Variants in HRH4 observed in about 807,000 individuals in gnomAD.
HRH4 encodes the protein histamine H4 receptor.
HRH4 carries 12 observed loss-of-function variants against 10.4 expected under a neutral mutation model. That is an observed-to-expected ratio of 1.15 (90% CI 0.74 to 1.87). The LOEUF (loss-of-function observed/expected upper bound fraction) is 1.87, where lower values mean the gene tolerates loss of function less well. Ranked by LOEUF, HRH4 falls within the 40% of genes most tolerant of loss-of-function variation. HRH4 has a pLI of 0.00. For synonymous variants in HRH4, 154 were observed against 166.6 expected, an observed-to-expected ratio of 0.92 and a Z score of 0.58; for missense variants, 415 against 453.3, an observed-to-expected ratio of 0.92 and a Z score of 0.77.
intron 2 of HRH4, among the ~76,000 whole-genome samples, chr18:24,470,760 T>A (rs1215387942): frequency 6.6e-6 from 1 of 151,364 alleles, no homozygotes; most frequent in African/African-American, 2.4e-5. Flanking sequence ...TGCCTCTGCC[T>A]CCCAAAGTGC....
intron 2 of HRH4, among the ~76,000 whole-genome samples, chr18:24,470,314 CT>C (rs1196534369): frequency 6.6e-6 from 1 of 152,114 alleles, no homozygotes; most frequent in East Asian, 1.9e-4. Flanking sequence ...GACTGGCAAA[CT>C]TTCATTATCA....
chr18:24,462,393 G>A (rs955747217), intron 1 of HRH4, among the ~76,000 whole-genome samples: 2 of 152,070 alleles, frequency 1.3e-5, no homozygotes, highest in East Asian at 1.9e-4. Context: ...CGGAAGAGCC[G>A]TAGGAAATGG....
intron 2 of HRH4, among the ~76,000 whole-genome samples, chr18:24,475,849 A>T (rs1488709499): frequency 6.6e-6 from 1 of 152,104 alleles, no homozygotes; most frequent in East Asian, 1.9e-4. Context: ...CTCTACTAAA[A>T]ATACAAAAAT....
At chr18:24,462,579 G>A (rs905032758) in intron 1 of HRH4, among the ~76,000 whole-genome samples, 1 of 152,178 alleles carries the variant, frequency 6.6e-6, no homozygotes, top group Admixed American at 6.5e-5. Flanking sequence ...GGGCTTCTGA[G>A]ACTAAGAACG....
intron 2 of HRH4, among the ~76,000 whole-genome samples, chr18:24,472,124 CA>C (rs1211465551): frequency 2.0e-5 from 3 of 152,136 alleles, no homozygotes; most frequent in Non-Finnish European, 4.4e-5. Context: ...CGGCTCACTG[CA>C]AACTCCCCCT....
At chr18:24,468,754 G>A (rs774196198) in intron 1 of HRH4, 34 bp from the exon 2 acceptor site, 18 of 1,580,842 alleles carry the variant, frequency 1.1e-5, no homozygotes, top group Admixed American at 3.6e-5. Flanking sequence ...ATTGATGTGC[G>A]CTATGTTTTT....
intron 2 of HRH4, among the ~76,000 whole-genome samples, chr18:24,469,950 T>C (rs530869307): frequency 6.6e-6 from 1 of 152,128 alleles, no homozygotes; most frequent in African/African-American, 2.4e-5. Context: ...GTATCTATTG[T>C]TTCTTTTTTT....
At chr18:24,465,963 A>G (rs944091674) in intron 1 of HRH4, among the ~76,000 whole-genome samples, 2 of 152,086 alleles carry the variant, frequency 1.3e-5, no homozygotes, top group African/African-American at 2.4e-5. Context: ...CTTCTTTCTC[A>G]TTCTGTGAAA....
intron 2 of HRH4, among the ~76,000 whole-genome samples, chr18:24,476,485 T>C (rs1434028089): frequency 6.6e-6 from 1 of 152,218 alleles, no homozygotes; most frequent in East Asian, 1.9e-4. Context: ...TTATTTTACA[T>C]ACTGGCCTTG....
At chr18:24,464,506 G>T (rs1909724233) in intron 1 of HRH4, among the ~76,000 whole-genome samples, 1 of 152,112 alleles carries the variant, frequency 6.6e-6, no homozygotes. Context: ...TACACATTCA[G>T]GCCATAACAC....
chr18:24,472,761 A>T (rs1304970721), intron 2 of HRH4, among the ~76,000 whole-genome samples: 1 of 152,100 alleles, frequency 6.6e-6, no homozygotes, highest in African/African-American at 2.4e-5. Flanking sequence ...GTCCTCAGAG[A>T]GGTTTTCTGG....
At chr18:24,470,369 T>C (rs1002541365) in intron 2 of HRH4, among the ~76,000 whole-genome samples, 1 of 152,114 alleles carries the variant, frequency 6.6e-6, no homozygotes, top group Non-Finnish European at 1.5e-5. Flanking sequence ...ACCTACTGTT[T>C]CTGTTGCAAC....
intron 2 of HRH4, among the ~76,000 whole-genome samples, chr18:24,469,204 A>C (rs531087064): frequency 8.5e-5 from 13 of 152,348 alleles, no homozygotes; most frequent in African/African-American, 2.9e-4. Context: ...CAACTGGTAT[A>C]CTAAGTCTAT....
chr18:24,479,500 G>A lies in HRH4; in HGVS notation c.*1938G>A, dbSNP rs1431780159. ...GTCTTGCTCTGTTGCCCACGCAGGA[G>A]TGCAGTGGCATGCTCTCAGCTCACT... On this transcript the variant is annotated 3_prime_UTR_variant, in exon 3 of 3. Transcript: ENST00000256906. The A allele has an allele frequency of 6.6e-6, 1 of 152,174 alleles. No individual in the cohort carries two copies. The highest frequency in any genetic ancestry group is 1.9e-4 in the East Asian group (1 of 5,192). The allele number at this position is 152,174 out of a possible 1,614,324, so 9.4% of individuals were successfully genotyped here.
Position 24,468,923 on chromosome 18 carries a change from A to C in HRH4, c.329A>C (p.Tyr110Ser), listed in dbSNP as rs878961770. The C allele has an allele frequency of 6.2e-7, 1 of 1,610,626 alleles. No homozygotes were observed. Among genetic ancestry groups the C allele is most frequent in the South Asian group, 1.1e-5 (1 of 90,210 alleles). ...GTATATAACATTGTCCTCATCAGCTATGATCGATACCTGTCAGTCTCAAAT... is the reference window on the plus strand; with the variant it reads ...GTATATAACATTGTCCTCATCAGCTCTGATCGATACCTGTCAGTCTCAAAT... ...ASVYNIVLIS[Y>S]DRYLSVSNAV... is the part of the protein sequence containing the mutation. The change falls in exon 2 of 3, where the codon TAT becomes TCT. Residue 110 changes from tyrosine (Y) to serine (S), a missense_variant. Tyr to Ser is a moderately radical substitution (Grantham distance 144, BLOSUM62 -2). Transcript: ENST00000256906.
rs1483848516 is a variant in HRH4, at chr18:24,479,613, TA to T, written c.*2056del. On this transcript the variant is annotated 3_prime_UTR_variant, in exon 3 of 3. Coordinates refer to ENST00000256906, the MANE Select transcript of HRH4 (RefSeq NM_021624.4). ...GCAGGCACTTGCCACCACGCCCCACTAAAAATTTTTTAAATTGTTGCCTTTC... is the reference window on the plus strand; with the variant it reads ...GCAGGCACTTGCCACCACGCCCCACTAAAATTTTTTAAATTGTTGCCTTTC... 1 of 152,184 alleles carries T rather than the reference TA, an allele frequency of 6.6e-6. No individual in the cohort carries two copies. Among genetic ancestry groups the T allele is most frequent in the Non-Finnish European group, 1.5e-5 (1 of 68,014 alleles). The allele number at this position is 152,184 out of a possible 1,614,324, so 9.4% of individuals were successfully genotyped here.
chr18:24,468,750 G>A, intron 1 of HRH4, 38 bp from the exon 2 acceptor site: 1 of 1,566,034 alleles, frequency 6.4e-7, no homozygotes, highest in Non-Finnish European at 8.7e-7. Flanking sequence ...GTTCATTGAT[G>A]TGCGCTATGT....
chr18:24,473,473 T>C (rs986316884), intron 2 of HRH4, among the ~76,000 whole-genome samples: 7 of 152,334 alleles, frequency 4.6e-5, no homozygotes, highest in Admixed American at 2.0e-4. Flanking sequence ...GCTGCTGGTG[T>C]TGCCAGCAAC....
chr18:24,476,415 G>A (rs1910131655), intron 2 of HRH4, among the ~76,000 whole-genome samples: 1 of 152,200 alleles, frequency 6.6e-6, no homozygotes, highest in Non-Finnish European at 1.5e-5. Flanking sequence ...CTGTGGTAAG[G>A]TGCGTCCAAC....
Sources: gnomAD v4.1 joint callset for allele counts (sites outside exome capture counted in the v4.1 genomes callset) on GRCh38, gnomAD v4.1.1 for gene constraint, MANE v1.5 for transcripts, NCBI Gene and HGNC (gene_info 2026-07-23, HGNC 2026-07-21) for gene names.